Variants in CES5A observed in about 807,000 individuals in gnomAD.
CES5A encodes carboxylesterase 5A, also known as carboxylesterase 5.
A neutral mutation model predicts 62.9 loss-of-function variants in CES5A; 67 were observed. The ratio of observed to expected loss-of-function variants is 1.07; its 90% CI spans 0.88 to 1.31. The LOEUF (loss-of-function observed/expected upper bound fraction) is 1.31. Among genes scored for constraint, CES5A ranks in the 50% most tolerant of loss-of-function variants. CES5A has a pLI of 0.00. For synonymous variants in CES5A, 296 were observed against 280.8 expected, an observed-to-expected ratio of 1.05 and a Z score of -0.54; for missense variants, 748 against 708.5, an observed-to-expected ratio of 1.06 and a Z score of -0.63.
chr16:55,917,919 G>T (rs2034163634), intron 1 of CES5A, among the ~76,000 whole-genome samples: 1 of 152,142 alleles, frequency 6.6e-6, no homozygotes, highest in Non-Finnish European at 1.5e-5. Context: ...TAGCAGCATT[G>T]TCATAATTGT....
chr16:55,871,256 A>G (rs1382517823), intron 3 of CES5A, among the ~76,000 whole-genome samples: 1 of 152,238 alleles, frequency 6.6e-6, no homozygotes, highest in African/African-American at 2.4e-5. Flanking sequence ...GACTGTCTTC[A>G]TTATAAACAG....
intron 1 of CES5A, among the ~76,000 whole-genome samples, chr16:55,883,538 G>A (rs1472151258): frequency 6.6e-6 from 1 of 152,194 alleles, no homozygotes; most frequent in Non-Finnish European, 1.5e-5. Context: ...CTCACAGAGT[G>A]CTGGGATTAC....
intron 2 of CES5A, among the ~76,000 whole-genome samples, chr16:55,930,909 A>G (rs2034304091): frequency 6.6e-6 from 1 of 152,186 alleles, no homozygotes; most frequent in Non-Finnish European, 1.5e-5. Context: ...GAATGTCTTA[A>G]GTCATAGACA....
At chr16:55,883,458 A>G (rs928986379) in intron 1 of CES5A, among the ~76,000 whole-genome samples, 8 of 151,954 alleles carry the variant, frequency 5.3e-5, no homozygotes, top group African/African-American at 1.7e-4. Flanking sequence ...TTTTTTTAAC[A>G]GAGACAAGGT....
chr16:55,936,393 A>T (rs1049500972), intron 2 of CES5A, among the ~76,000 whole-genome samples: 7 of 152,230 alleles, frequency 4.6e-5, no homozygotes, highest in Admixed American at 3.9e-4. Flanking sequence ...ATCCTCTAAG[A>T]TCTCTGCCCA....
At chr16:55,880,851 G>T (rs1174508010) in intron 1 of CES5A, among the ~76,000 whole-genome samples, 1 of 152,172 alleles carries the variant, frequency 6.6e-6, no homozygotes, top group East Asian at 1.9e-4. Flanking sequence ...AAAATCAGAA[G>T]GCCTCCTAGC....
intron 4 of CES5A, among the ~76,000 whole-genome samples, chr16:55,867,697 C>T (rs370681880): frequency 4.6e-5 from 7 of 152,264 alleles, no homozygotes; most frequent in South Asian, 4.1e-4. Flanking sequence ...ATCTCAGCCT[C>T]GAGCACAGGA....
intron 1 of CES5A, among the ~76,000 whole-genome samples, chr16:55,874,609 T>C (rs1253498798): frequency 2.0e-5 from 3 of 152,268 alleles, no homozygotes; most frequent in Non-Finnish European, 4.4e-5. Context: ...TACACATGAA[T>C]ATTCATGGGT....
intron 1 of CES5A, among the ~76,000 whole-genome samples, chr16:55,905,388 A>C (rs2034030511): frequency 6.9e-6 from 1 of 145,774 alleles, no homozygotes; most frequent in African/African-American, 2.6e-5. Flanking sequence ...TTTTTTTGAG[A>C]TGGAGTCTCG....
intron 1 of CES5A, among the ~76,000 whole-genome samples, chr16:55,909,621 CTCACCCT>C (rs2034073267): frequency 6.6e-6 from 1 of 151,604 alleles, no homozygotes; most frequent in East Asian, 1.9e-4. Flanking sequence ...GGAACCTGAT[CTCACCCT>C]CTCTTGAGTT....
chr16:55,847,833 T>G (rs1368294136), intron 11 of CES5A, among the ~76,000 whole-genome samples: 1 of 152,230 alleles, frequency 6.6e-6, no homozygotes, highest in Non-Finnish European at 1.5e-5. Context: ...TATATACTTT[T>G]GCACATGTGG....
At chr16:55,915,795 G>A (rs74506396) in intron 1 of CES5A, among the ~76,000 whole-genome samples, 1,742 of 152,210 alleles carry the variant, frequency 0.011, 60 homozygotes, top group East Asian at 0.1. Flanking sequence ...ATTCTCTCCC[G>A]TTTGCATGAT....
At chr16:55,934,411 T>C (rs2034346093) in intron 2 of CES5A, among the ~76,000 whole-genome samples, 1 of 152,240 alleles carries the variant, frequency 6.6e-6, no homozygotes, top group Non-Finnish European at 1.5e-5. Flanking sequence ...TGGACCATAG[T>C]AGGTGCTCAG....
chr16:55,937,111 G>A (rs140372043), intron 2 of CES5A, among the ~76,000 whole-genome samples: 6 of 152,276 alleles, frequency 3.9e-5, no homozygotes, highest in Admixed American at 1.3e-4. Flanking sequence ...TGGGATTTCC[G>A]TATGTGCTTT....
intron 1 of CES5A, among the ~76,000 whole-genome samples, chr16:55,910,401 C>T (rs2034081637): frequency 6.6e-6 from 1 of 152,144 alleles, no homozygotes; most frequent in Non-Finnish European, 1.5e-5. Context: ...CCACCTCTTC[C>T]AGGAAGCCTT....
chr16:55,887,861 A>G (rs1489416328), intron 1 of CES5A, among the ~76,000 whole-genome samples: 2 of 152,204 alleles, frequency 1.3e-5, no homozygotes, highest in African/African-American at 4.8e-5. Context: ...CAGAATCAGC[A>G]AGAAAGGAGC....
At chr16:55,879,607 C>A (rs1196261601), upstream of CES5A, among the ~76,000 whole-genome samples, 1 of 152,006 alleles carries the variant, frequency 6.6e-6, no homozygotes, top group Non-Finnish European at 1.5e-5. Context: ...GCCTTGAATT[C>A]TTTTCTTTTC....
At chr16:55,851,846 T>TATATA (rs1364637530) in intron 10 of CES5A, among the ~76,000 whole-genome samples, 3 of 152,222 alleles carry the variant, frequency 2.0e-5, no homozygotes, top group African/African-American at 7.2e-5. Context: ...CAATGGAACA[T>TATATA]TAGTCAGCCT....
At chr16:55,892,952 A>G in intron 1 of CES5A, among the ~76,000 whole-genome samples, 1 of 152,186 alleles carries the variant, frequency 6.6e-6, no homozygotes, top group East Asian at 1.9e-4. Context: ...GGAGTTGTGC[A>G]GGGACAAGGA....
Sources: allele counts gnomAD v4.1 joint callset (sites outside exome capture counted in the v4.1 genomes callset), GRCh38; gene constraint gnomAD v4.1.1; transcripts MANE v1.5; gene names NCBI Gene and HGNC (gene_info 2026-07-23, HGNC 2026-07-21).